The following CR1L variants were observed in gnomAD, a reference collection of about 807,000 sequenced individuals.
CR1L encodes the protein complement C3b/C4b receptor 1 like.
Under a neutral mutation model 62.3 loss-of-function variants are expected in CR1L, and 59 were observed. The observed-to-expected ratio is 0.95, with a 90% CI of 0.77 to 1.18. The LOEUF (loss-of-function observed/expected upper bound fraction) is 1.18. Among genes scored for constraint, CR1L ranks in the 50% most tolerant of loss-of-function variants. The probability of loss-of-function intolerance (pLI) is 0.00; values close to 1 mark genes in which losing one functional copy is unlikely to be tolerated. For missense variants in CR1L, 700 were observed against 702.8 expected (o/e 1.00, Z 0.04); for synonymous variants, 279 against 248.7 (o/e 1.12, Z -1.15).
intron 1 of CR1L, among the ~76,000 whole-genome samples, chr1:207,674,794 T>G (rs542315164): frequency 2.0e-5 from 3 of 152,226 alleles, no homozygotes; most frequent in South Asian, 2.1e-4. Context: ...AAAATTGTAT[T>G]TCATCCCACA....
chr1:207,723,002 T>C (rs1175568228), intron 11 of CR1L, among the ~76,000 whole-genome samples: 2 of 152,228 alleles, frequency 1.3e-5, no homozygotes, highest in South Asian at 2.1e-4. Context: ...ATTTCTAGTA[T>C]ATAAATATGT....
intron 5 of CR1L, among the ~76,000 whole-genome samples, chr1:207,697,183 T>A (rs1401496147): frequency 6.6e-6 from 1 of 152,182 alleles, no homozygotes; most frequent in Non-Finnish European, 1.5e-5. Flanking sequence ...TCCCTCCCAA[T>A]TTTGTACTGG....
At chr1:207,688,488 C>T (rs1558019449) in intron 4 of CR1L, among the ~76,000 whole-genome samples, 1 of 152,110 alleles carries the variant, frequency 6.6e-6, no homozygotes. Context: ...TATAGCATGA[C>T]ATTAATATTT....
chr1:207,700,377 C>G (rs1468481892), intron 8 of CR1L, among the ~76,000 whole-genome samples: 1 of 152,164 alleles, frequency 6.6e-6, no homozygotes, highest in Non-Finnish European at 1.5e-5. Flanking sequence ...CTCAAGCTTT[C>G]TCTTATTTTT....
At chr1:207,709,435 A>T (rs527872282) in intron 10 of CR1L, among the ~76,000 whole-genome samples, 25 of 152,232 alleles carry the variant, frequency 1.6e-4, no homozygotes, top group African/African-American at 6.0e-4. Context: ...ATGCTTTATT[A>T]TATTAATATC....
At chr1:207,684,092 A>G (rs113021975) in intron 4 of CR1L, 135 bp downstream of exon 4, 3 of 737,302 alleles carry the variant, frequency 4.1e-6, no homozygotes, top group African/African-American at 3.5e-5. Context: ...ATGTTCTCAG[A>G]TATTCCTATG....
chr1:207,696,856 T>A (rs958326243), intron 5 of CR1L, among the ~76,000 whole-genome samples: 1 of 152,358 alleles, frequency 6.6e-6, no homozygotes, highest in Middle Eastern at 3.4e-3. Context: ...CTCATTATGG[T>A]GACAGTAGGT....
chr1:207,659,854 T>C (rs1424052738), intron 1 of CR1L, among the ~76,000 whole-genome samples: 1 of 152,238 alleles, frequency 6.6e-6, no homozygotes, highest in Non-Finnish European at 1.5e-5. Context: ...GACTCCCTCC[T>C]GTGCCTGGCT....
intron 1 of CR1L, among the ~76,000 whole-genome samples, chr1:207,645,989 T>G (rs1457288342): frequency 6.6e-6 from 1 of 152,180 alleles, no homozygotes; most frequent in African/African-American, 2.4e-5. Flanking sequence ...GAGGGCATGT[T>G]GAGTGAGAGC....
chr1:207,705,669 A>G (rs975801086), intron 9 of CR1L, among the ~76,000 whole-genome samples: 6 of 152,158 alleles, frequency 3.9e-5, no homozygotes, highest in African/African-American at 1.4e-4. Context: ...TAAAAATACA[A>G]TTGATAAATT....
chr1:207,708,235 T>C lies in CR1L; in HGVS notation c.1386T>C (p.His462=), dbSNP rs755177568. Residue 462 remains histidine, a synonymous_variant, in exon 10 of 12, where the codon CAT becomes CAC. Transcript: ENST00000508064. ...GTATCCTCTCGGGCAATACTGCCCATTGGAGCATGAAGCCACCAATTTGTC... is the reference window on the plus strand; with the variant it reads ...GTATCCTCTCGGGCAATACTGCCCACTGGAGCATGAAGCCACCAATTTGTC... The part of the protein sequence containing the change: ...AECILSGNTA[H]WSMKPPICQQ... 2.2e-5 allele frequency: 36 copies of C among 1,611,484 alleles called. No individual in the cohort carries two copies. Among genetic ancestry groups the C allele is most frequent in the Non-Finnish European group, 2.9e-5 (34 of 1,179,430 alleles).
intron 1 of CR1L, among the ~76,000 whole-genome samples, chr1:207,663,598 G>A (rs922061480): frequency 6.6e-6 from 1 of 152,204 alleles, no homozygotes; most frequent in Non-Finnish European, 1.5e-5. Flanking sequence ...TCCCAGGTGA[G>A]GCGATGCCTC....
At chr1:207,702,682 C>T (rs1162397469) in intron 9 of CR1L, among the ~76,000 whole-genome samples, 1 of 152,190 alleles carries the variant, frequency 6.6e-6, no homozygotes, top group Non-Finnish European at 1.5e-5. Context: ...GGTCTAGATA[C>T]AAGATCAAAC....
rs1273275426 is a variant in CR1L, at chr1:207,697,686, A to G, written c.1039+7A>G. On this transcript the variant is annotated splice_region_variant and intron_variant, in intron 6 of 11. Coordinates refer to ENST00000508064, the MANE Select transcript of CR1L (RefSeq NM_175710.2). ...GCAGCCCCCAGATGTGAAGGTGACT[A>G]GACTCTTATCTGGCTTGGTATTTTT... 6.2e-7 allele frequency: 1 copy of G among 1,613,886 alleles called. No individual in the cohort carries two copies. The highest frequency in any genetic ancestry group is 1.3e-5 in the African/African-American group (1 of 74,918).
intron 1 of CR1L, among the ~76,000 whole-genome samples, chr1:207,648,617 A>G (rs1663173566): frequency 6.6e-6 from 1 of 152,192 alleles, no homozygotes; most frequent in Non-Finnish European, 1.5e-5. Context: ...AGTCTCATTC[A>G]TTCCTCCAGA....
chr1:207,710,681 G>C lies in CR1L; in HGVS notation c.1414+2418G>C, dbSNP rs1019683833. On this transcript the variant is annotated intron_variant, in intron 10 of 11. Transcript: ENST00000508064. ...CTTATTTTCCTTAAATGAAGTTGTG[G>C]AGTTTAGGTGTCAGCCTGGCTTTGT... 4 of 1,609,994 alleles carry C rather than the reference G, an allele frequency of 2.5e-6. No individual in the cohort carries two copies. The African/African-American group carries it at 5.3e-5, about 22-fold the overall frequency.
chr1:207,707,835 G>A (rs73082715), intron 9 of CR1L, among the ~76,000 whole-genome samples: 1,016 of 91,648 alleles, frequency 0.011, 8 homozygotes, highest in African/African-American at 0.035. Context: ...AAGGGAATAC[G>A]CAAACAAAAA....
chr1:207,713,745 G>A (rs1653895738), intron 10 of CR1L, among the ~76,000 whole-genome samples: 1 of 152,236 alleles, frequency 6.6e-6, no homozygotes, highest in Non-Finnish European at 1.5e-5. Flanking sequence ...CCAAACAGGG[G>A]TCCCCACGAC....
At chr1:207,701,449 G>A (rs1397059579) in intron 8 of CR1L, 70 bp from the exon 9 acceptor site, 27 of 1,585,568 alleles carry the variant, frequency 1.7e-5, no homozygotes, top group Non-Finnish European at 2.2e-5. Flanking sequence ...CTACATGCAG[G>A]TTGAGACCTT....
Sources: gnomAD v4.1 joint callset for allele counts (sites outside exome capture counted in the v4.1 genomes callset) on GRCh38, gnomAD v4.1.1 for gene constraint, MANE v1.5 for transcripts, NCBI Gene and HGNC (gene_info 2026-07-23, HGNC 2026-07-21) for gene names.